The following DAPK1 variants were observed in gnomAD, a reference collection of about 807,000 sequenced individuals.
DAPK1 encodes the protein death associated protein kinase 1.
In DAPK1, 56 loss-of-function variants were observed where a neutral mutation model predicts 144.9. That is an observed-to-expected ratio of 0.39 (90% CI 0.31 to 0.48). DAPK1 has a LOEUF of 0.48. Among genes scored for constraint, DAPK1 ranks in the 20% least tolerant of loss-of-function variants. The pLI, the probability that DAPK1 is intolerant of heterozygous loss-of-function variation, is 0.95. For missense variants in DAPK1, 1,454 were observed against 1,875.4 expected (o/e 0.78, Z 4.15); for synonymous variants, 690 against 749.0 (o/e 0.92, Z 1.29).
intron 20 of DAPK1, among the ~76,000 whole-genome samples, chr9:87,684,643 A>C (rs59243137): frequency 0.036 from 5,497 of 152,230 alleles, 249 homozygotes; most frequent in East Asian, 0.14. Flanking sequence ...GAAAACATCC[A>C]AGGTCATAGG....
At chr9:87,529,956 A>T (rs768924452) in intron 2 of DAPK1, among the ~76,000 whole-genome samples, 1 of 152,152 alleles carries the variant, frequency 6.6e-6, no homozygotes, top group Non-Finnish European at 1.5e-5. Flanking sequence ...AACTTCCCTA[A>T]TGCCGCCCGC....
chr9:87,700,147 G>C lies in DAPK1; in HGVS notation c.2781G>C (p.Lys927Asn). The C allele has an allele frequency of 5.0e-6, 8 of 1,610,624 alleles. No individual in the cohort carries two copies. The highest frequency in any genetic ancestry group is 6.8e-6 in the Non-Finnish European group (8 of 1,176,764). ...GAAATGATCTTCACATTTCAAATAAGCTGTTTGTTCTGGATGCTGGGGCTT... is the reference window on the plus strand; with the variant it reads ...GAAATGATCTTCACATTTCAAATAACCTGTTTGTTCTGGATGCTGGGGCTT... ...RFGNDLHISN[K>N]LFVLDAGASG... Residue 927 changes from lysine (K) to asparagine (N), a missense_variant, in exon 24 of 26, where the codon AAG becomes AAC. Physicochemically the swap from Lys to Asn is moderately conservative, Grantham distance 94 (BLOSUM62 0). Around this residue, in one of 2 missense-constraint regions of DAPK1, gnomAD observed 1,025 missense variants for 1,237.9 expected, o/e 0.83. Coordinates refer to ENST00000408954, the MANE Select transcript of DAPK1 (RefSeq NM_004938.4).
chr9:87,565,641 C>T (rs7047421), intron 2 of DAPK1, among the ~76,000 whole-genome samples: 35,365 of 152,156 alleles, frequency 0.23, 4,647 homozygotes, highest in Non-Finnish European at 0.31. Context: ...TGATGAGGAA[C>T]TCAAATCCGA....
Position 87,499,145 on chromosome 9 carries a change from G to C in DAPK1, c.62+6G>C, listed in dbSNP as rs764966132. 2.5e-6 allele frequency: 4 copies of C among 1,613,042 alleles called. No individual in the cohort carries two copies. Among genetic ancestry groups the C allele is most frequent in the Non-Finnish European group, 2.5e-6 (3 of 1,179,036 alleles). On this transcript the variant is annotated splice_donor_region_variant and intron_variant, in intron 2 of 25. Coordinates refer to ENST00000408954, the MANE Select transcript of DAPK1 (RefSeq NM_004938.4). ...ACCGGCGAGGAACTTGGCAGGTAAA[G>C]GGGGTACCAGAAGCGTACCCTCCTG...
intron 18 of DAPK1, among the ~76,000 whole-genome samples, chr9:87,662,444 C>T (rs1198432850): frequency 6.6e-6 from 1 of 151,924 alleles, no homozygotes; most frequent in East Asian, 1.9e-4. Context: ...TAATTCTTCC[C>T]ATCCGTGAGC....
rs1564045782 is a variant in DAPK1 at position 87,648,899 on chromosome 9, C to T, written c.1428+20C>T. 6.3e-7 allele frequency: 1 copy of T among 1,591,870 alleles called. No homozygotes were observed. Among genetic ancestry groups the T allele is most frequent in the South Asian group, 1.1e-5 (1 of 90,648 alleles). On this transcript the variant is annotated intron_variant, in intron 15 of 25. Transcript: ENST00000408954. ...GACAAGGTGGGTCGTGACTGACATCCTCCCTTCCTCTGCTCTATACATGAA... is the reference window on the plus strand; with the variant it reads ...GACAAGGTGGGTCGTGACTGACATCTTCCCTTCCTCTGCTCTATACATGAA...
intron 20 of DAPK1, among the ~76,000 whole-genome samples, chr9:87,683,642 G>T (rs1186585287): frequency 2.0e-5 from 3 of 152,204 alleles, no homozygotes; most frequent in African/African-American, 7.2e-5. Flanking sequence ...TGGCCTCAGA[G>T]GTGAGGTATC....
chr9:87,518,408 G>A (rs1378848926), intron 2 of DAPK1, among the ~76,000 whole-genome samples: 2 of 151,690 alleles, frequency 1.3e-5, no homozygotes, highest in Admixed American at 6.6e-5. Flanking sequence ...GATTATAGGC[G>A]TGAGCCACTG....
chr9:87,582,334 C>T (rs1453489561), intron 2 of DAPK1, among the ~76,000 whole-genome samples: 1 of 152,148 alleles, frequency 6.6e-6, no homozygotes, highest in African/African-American at 2.4e-5. Context: ...CGATCATTAG[C>T]GTCTCTGGGA....
At position 87,700,110 on chromosome 9, in the gene DAPK1, C is replaced by A. The variant is rs759612772; in HGVS notation, c.2751-7C>A. ...CACTGCTGAGGAGGCTGCTGCTCTT[C>A]CCTTAGGTTTGGAAATGATCTTCAC... On this transcript the variant is annotated splice_polypyrimidine_tract_variant and splice_region_variant and intron_variant, in intron 23 of 25. Coordinates refer to ENST00000408954, the MANE Select transcript of DAPK1 (RefSeq NM_004938.4). 3 of 1,611,414 alleles carry A rather than the reference C, an allele frequency of 1.9e-6. No individual in the cohort carries two copies. The highest frequency in any genetic ancestry group is 2.5e-6 in the Non-Finnish European group (3 of 1,177,554).
intron 19 of DAPK1, among the ~76,000 whole-genome samples, chr9:87,679,305 C>T (rs1824516336): frequency 1.3e-5 from 2 of 152,032 alleles, no homozygotes; most frequent in South Asian, 4.2e-4. Context: ...GCAGGCAAGA[C>T]AGGTTTTGTG....
At chr9:87,665,936 A>G (rs937904738) in intron 18 of DAPK1, among the ~76,000 whole-genome samples, 5 of 152,124 alleles carry the variant, frequency 3.3e-5, no homozygotes, top group African/African-American at 9.7e-5. Flanking sequence ...TATCTTTTCA[A>G]TGCATGCACT....
chr9:87,587,914 T>A (rs1180280792), intron 2 of DAPK1, among the ~76,000 whole-genome samples: 1 of 152,230 alleles, frequency 6.6e-6, no homozygotes. Flanking sequence ...AGCAACTATA[T>A]ACAATAATAG....
At chr9:87,624,774 G>A (rs36209409) in intron 3 of DAPK1, among the ~76,000 whole-genome samples, 6,017 of 152,256 alleles carry the variant, frequency 0.04, 406 homozygotes, top group African/African-American at 0.14. Flanking sequence ...CCACCACAGC[G>A]CCAGAGGCCT....
At chr9:87,705,732 G>C (rs1825613106) in intron 25 of DAPK1, among the ~76,000 whole-genome samples, 1 of 152,008 alleles carries the variant, frequency 6.6e-6, no homozygotes, top group African/African-American at 2.4e-5. Context: ...TACTATGATT[G>C]AATATATCAT....
intron 2 of DAPK1, among the ~76,000 whole-genome samples, chr9:87,531,261 T>G (rs1339593478): frequency 1.3e-5 from 2 of 152,176 alleles, no homozygotes; most frequent in East Asian, 3.9e-4. Flanking sequence ...CCATACCCGA[T>G]GTTCACTGCC....
intron 3 of DAPK1, among the ~76,000 whole-genome samples, chr9:87,620,099 G>A (rs1054943599): frequency 1.3e-5 from 2 of 152,122 alleles, no homozygotes; most frequent in Non-Finnish European, 2.9e-5. Flanking sequence ...CTCAGCCCCT[G>A]CTTCCAGCAG....
Position 87,548,913 on chromosome 9 carries a change from CTTTTTTTTTTT to C in DAPK1, c.62+49791_62+49801del, listed in dbSNP as rs11291160. Among the ~76,000 whole-genome samples, 22 of 63,874 alleles carry C rather than the reference CTTTTTTTTTTT, an allele frequency of 3.4e-4. No individual in the cohort carries two copies. In the South Asian group the frequency reaches 6.6e-3, roughly 19 times the overall value. The allele number at this position is 63,874 out of a possible 152,430, so 41.9% of individuals were successfully genotyped here. ...ACCACCCACTGAGTGGATTTCATTC[CTTTTTTTTTTT>C]TTTTTTTTTTTTTTTTGGCTTTTAA... On this transcript the variant is annotated intron_variant, in intron 2 of 25. Coordinates refer to ENST00000408954, the MANE Select transcript of DAPK1 (RefSeq NM_004938.4).
At chr9:87,526,091 T>C (rs1396615144) in intron 2 of DAPK1, among the ~76,000 whole-genome samples, 1 of 151,558 alleles carries the variant, frequency 6.6e-6, no homozygotes, top group African/African-American at 2.4e-5. Flanking sequence ...GAGGATCGCT[T>C]ACAGCCAGGA....
Sources: gnomAD v4.1 joint callset for allele counts (sites outside exome capture counted in the v4.1 genomes callset) on GRCh38, gnomAD v4.1.1 for gene constraint, gnomAD v4.1.1 regional missense constraint, MANE v1.5 for transcripts, NCBI Gene and HGNC (gene_info 2026-07-23, HGNC 2026-07-21) for gene names.